SMAD2: variants seen among roughly 807,000 people sequenced by gnomAD.
The protein encoded by SMAD2 is SMAD family member 2, also known as MAD homolog 2.
SMAD2 carries 8 observed loss-of-function variants against 64.4 expected under a neutral mutation model. The observed-to-expected ratio is 0.12, with a 90% CI of 0.07 to 0.22. SMAD2 has a LOEUF of 0.22. Ranked by LOEUF, SMAD2 falls within the 10% of genes least tolerant of loss-of-function variation. The pLI, the probability that SMAD2 is intolerant of heterozygous loss-of-function variation, is 1.00. For synonymous variants in SMAD2, 203 were observed against 195.8 expected (o/e 1.04, Z -0.31); for missense variants, 289 against 561.2 (o/e 0.51, Z 4.90).
At position 47,836,138 on chromosome 18, in the gene SMAD2, T is replaced by C. The variant is rs147470332; in HGVS notation, c.*5689A>G. The stretch of plus-strand genomic sequence containing the variant: ...GGCCCAGAGAATCTTGGAAAATCCA[T>C]TTATATTGAGCAAAGATCTGAATCA... On this transcript the variant is annotated 3_prime_UTR_variant, in exon 11 of 11. Coordinates refer to ENST00000262160, the MANE Select transcript of SMAD2 (RefSeq NM_005901.6). 5.8e-3 allele frequency: 1,276 copies of C among 219,276 alleles called. 15 individuals are homozygous for C. Among genetic ancestry groups the C allele is most frequent in the Non-Finnish European group, 8.0e-3 (874 of 109,280 alleles). 13.6% of individuals were successfully genotyped at this position (219,276 alleles called of 1,614,324 possible).
At chr18:47,897,140 TCTTA>T (rs1400386603) in intron 1 of SMAD2, among the ~76,000 whole-genome samples, 1 of 152,306 alleles carries the variant, frequency 6.6e-6, no homozygotes, top group East Asian at 1.9e-4. Context: ...CAAAAGGTTC[TCTTA>T]CTTTTTAGAA....
intron 1 of SMAD2, among the ~76,000 whole-genome samples, chr18:47,915,407 C>T (rs991025466): frequency 1.3e-5 from 2 of 152,170 alleles, no homozygotes; most frequent in African/African-American, 4.8e-5. Context: ...CATGGCATTC[C>T]ATTTTATGAC....
At chr18:47,859,679 T>C (rs1313657231) in intron 6 of SMAD2, among the ~76,000 whole-genome samples, 1 of 152,076 alleles carries the variant, frequency 6.6e-6, no homozygotes, top group South Asian at 2.1e-4. Flanking sequence ...GTGTACATTA[T>C]AAACAAATCA....
chr18:47,865,978 C>A (rs1046759418), intron 5 of SMAD2, among the ~76,000 whole-genome samples: 1 of 152,140 alleles, frequency 6.6e-6, no homozygotes, highest in South Asian at 2.1e-4. Flanking sequence ...CAGTTTTGAG[C>A]GATTCAAGAT....
At chr18:47,855,695 C>T (rs1021820139) in intron 6 of SMAD2, among the ~76,000 whole-genome samples, 1 of 152,120 alleles carries the variant, frequency 6.6e-6, no homozygotes, top group South Asian at 2.1e-4. Flanking sequence ...AATCTTGGCT[C>T]ACTACAACCT....
chr18:47,820,437 T>G lies in SMAD2; in HGVS notation c.*21390A>C, dbSNP rs575327516. On this transcript the variant is annotated 3_prime_UTR_variant, in exon 11 of 11. Transcript: ENST00000262160. The stretch of plus-strand genomic sequence containing the variant: ...GCTTTTTATTGGGAAAAAAGTTGTT[T>G]AAATTCAGAGTTTATTAGAGGTTGT... 6 of 152,302 alleles carry G rather than the reference T, an allele frequency of 3.9e-5. No individual in the cohort carries two copies. The highest frequency in any genetic ancestry group is 3.3e-4 in the Admixed American group (5 of 15,302). 9.4% of individuals were successfully genotyped at this position (152,302 alleles called of 1,614,324 possible).
rs985255913 is a variant in SMAD2 at position 47,841,088 on chromosome 18, A to G, written c.*739T>C. The G allele has an allele frequency of 2.2e-5, 5 of 232,338 alleles. No homozygotes were observed. In the Admixed American group the frequency reaches 2.3e-4, roughly 10 times the overall value. The allele number at this position is 232,338 out of a possible 1,614,324, so 14.4% of individuals were successfully genotyped here. On this transcript the variant is annotated 3_prime_UTR_variant, in exon 11 of 11. Transcript: ENST00000262160. Reference sequence around the variant, plus strand: ...ATTATGAGGACAAAAATGGGAATGGAAAAAAGAGGCTTGGAAAGGTTTTCA... The same window carrying G: ...ATTATGAGGACAAAAATGGGAATGGGAAAAAGAGGCTTGGAAAGGTTTTCA...
At chr18:47,928,366 T>G (rs2034852345) in intron 1 of SMAD2, among the ~76,000 whole-genome samples, 1 of 152,218 alleles carries the variant, frequency 6.6e-6, no homozygotes, top group Non-Finnish European at 1.5e-5. Context: ...TAAACCGAGT[T>G]TTTCCATTGA....
At chr18:47,880,253 T>C (rs2032509018) in intron 2 of SMAD2, among the ~76,000 whole-genome samples, 1 of 152,262 alleles carries the variant, frequency 6.6e-6, no homozygotes, top group Non-Finnish European at 1.5e-5. Flanking sequence ...TATATTTTCT[T>C]ATAAAAGCTT....
Position 47,849,487 on chromosome 18 carries a change from GTATATATA to G in SMAD2, c.785-808_785-801del, listed in dbSNP as rs10584029. Among the ~76,000 whole-genome samples the G allele has an allele frequency of 8.4e-3, 1,251 of 148,250 alleles. 19 individuals are homozygous for G. The highest frequency in any genetic ancestry group is 0.029 in the African/African-American group (1,152 of 40,190). On this transcript the variant is annotated intron_variant, in intron 7 of 10. Coordinates refer to ENST00000262160, the MANE Select transcript of SMAD2 (RefSeq NM_005901.6). ...TAATAATAGTAATACAGAAATGTAT[GTATATATA>G]TATATATATATATAGTCATCCCTTG...
rs116548276 is a variant in SMAD2, at chr18:47,834,804, T to C, written c.*7023A>G. On this transcript the variant is annotated 3_prime_UTR_variant, in exon 11 of 11. Transcript: ENST00000262160. ...ATTTTACTGTATTCTCTTTTTGCAA[T>C]TAATCCAGTTTTGTATGTCTTTTCT... 311 of 219,174 alleles carry C rather than the reference T, an allele frequency of 1.4e-3. 2 individuals are homozygous for C. The highest frequency in any genetic ancestry group is 6.4e-3 in the African/African-American group (284 of 44,662). 13.6% of individuals were successfully genotyped at this position (219,174 alleles called of 1,614,324 possible). A position where few individuals can be genotyped will look rare whatever the true frequency, so the allele number is the denominator to read the frequency against.
At chr18:47,907,982 C>G (rs1220785322) in intron 1 of SMAD2, among the ~76,000 whole-genome samples, 1 of 152,146 alleles carries the variant, frequency 6.6e-6, no homozygotes, top group Non-Finnish European at 1.5e-5. Context: ...TGCATTTTAG[C>G]AATGTAAATT....
chr18:47,867,063 C>A (rs1448318832), intron 5 of SMAD2: 3 of 152,204 alleles, frequency 2.0e-5, no homozygotes, highest in Non-Finnish European at 4.4e-5. Context: ...TTCCCCACAC[C>A]AACGTTCACA....
chr18:47,892,943 T>C (rs2033267368), intron 2 of SMAD2, among the ~76,000 whole-genome samples: 1 of 152,232 alleles, frequency 6.6e-6, no homozygotes, highest in Admixed American at 6.5e-5. Context: ...TCCTTACTTT[T>C]AACTTTACAG....
chr18:47,903,618 A>G (rs1238477842), intron 1 of SMAD2, among the ~76,000 whole-genome samples: 1 of 152,204 alleles, frequency 6.6e-6, no homozygotes, highest in South Asian at 2.1e-4. Flanking sequence ...GCAAACAGTC[A>G]AAACATGAAT....
upstream of SMAD2, chr18:47,930,692 G>C (rs892775036): frequency 6.7e-6 from 1 of 148,718 alleles, no homozygotes; most frequent in African/African-American, 2.4e-5. Context: ...TCAGGCGCGC[G>C]CCCGCAGCCC....
chr18:47,831,676 G>C lies in SMAD2; in HGVS notation c.*10151C>G, dbSNP rs942854397. ...CTTAGTCTATTGTTCATTTATCACT[G>C]AATCTGTTATCTGCTAAGTCTGATT... On this transcript the variant is annotated 3_prime_UTR_variant, in exon 11 of 11. Transcript: ENST00000262160. 6.6e-6 allele frequency: 1 copy of C among 152,130 alleles called. No homozygotes were observed. The highest frequency in any genetic ancestry group is 2.4e-5 in the African/African-American group (1 of 41,436). 9.4% of individuals were successfully genotyped at this position (152,130 alleles called of 1,614,324 possible).
chr18:47,810,236 AAGT>A lies in SMAD2; in HGVS notation c.*31588_*31590del, dbSNP rs556753133. The A allele has an allele frequency of 2.0e-5, 3 of 151,526 alleles. No homozygotes were observed. The highest frequency in any genetic ancestry group is 4.4e-5 in the Non-Finnish European group (3 of 68,028). 9.4% of individuals were successfully genotyped at this position (151,526 alleles called of 1,614,324 possible). A position where few individuals can be genotyped will look rare whatever the true frequency, so the allele number is the denominator to read the frequency against. On this transcript the variant is annotated 3_prime_UTR_variant, in exon 11 of 11. Coordinates refer to ENST00000262160, the MANE Select transcript of SMAD2 (RefSeq NM_005901.6). ...ATTCCAAATTGCACACACGAGAAGA[AAGT>A]AAGAGGTCGCCAACCAAGTCATTTC...
rs200480021 is a variant in SMAD2 at position 47,868,399 on chromosome 18, C to T, written c.579G>A (p.Leu193=). Residue 193 remains leucine (L), a synonymous_variant, in exon 5 of 11, where the codon CTG becomes CTA. Transcript: ENST00000262160. ...CTGGAATGGAGTGAGTATAGTCATC[C>T]AGAGGCGGAAGTTCTGTTAGGATCT... is the stretch of plus-strand genomic sequence containing the variant. ...HTEILTELPP[L]DDYTHSIPEN... The T allele has an allele frequency of 7.9e-5, 127 of 1,610,460 alleles. 1 individual carries two copies. In the Middle Eastern group the frequency reaches 3.5e-3, roughly 44 times the overall value.
Sources: allele counts gnomAD v4.1 joint callset (sites outside exome capture counted in the v4.1 genomes callset), GRCh38; gene constraint gnomAD v4.1.1; transcripts MANE v1.5; gene names NCBI Gene and HGNC (gene_info 2026-07-23, HGNC 2026-07-21).